SPECC1L: variants seen among roughly 807,000 people sequenced by gnomAD.
The protein encoded by SPECC1L is cytospin-A.
A neutral mutation model predicts 116.8 loss-of-function variants in SPECC1L; 40 were observed. The ratio of observed to expected loss-of-function variants is 0.34; its 90% confidence interval spans 0.27 to 0.45. The LOEUF (loss-of-function observed/expected upper bound fraction) is 0.45. Ranked by LOEUF, SPECC1L falls within the 20% of genes least tolerant of loss-of-function variation. The probability of loss-of-function intolerance (pLI) is 1.00; values close to 1 mark genes in which losing one functional copy is unlikely to be tolerated. For synonymous variants in SPECC1L, 504 were observed against 500.6 expected (o/e 1.01, Z -0.09); for missense variants, 1,110 against 1,373.6 (o/e 0.81, Z 3.03).
Position 24,321,378 on chromosome 22 carries a change from A to C in SPECC1L, c.398A>C (p.Asn133Thr). ...RERLRERTRL[N>T]QSKKLPSAGQ... ...AGATTACGTGAACGTACCCGATTAA[A>C]CCAGAGCAAAAAACTACCTTCTGCA... The change falls in exon 5 of 17, where the codon AAC becomes ACC. Residue 133 changes from asparagine to threonine, a missense_variant. This residue lies in a region of SPECC1L where 437 missense variants were observed against 482.6 expected (regional missense o/e 0.91). Coordinates refer to ENST00000314328, the MANE Select transcript of SPECC1L (RefSeq NM_015330.6). 6.2e-7 allele frequency: 1 copy of C among 1,614,294 alleles called. No homozygotes were observed. The highest frequency in any genetic ancestry group is 1.7e-5 in the Admixed American group (1 of 60,032).
intron 14 of SPECC1L, among the ~76,000 whole-genome samples, chr22:24,376,585 T>TA (rs1291094972): frequency 6.6e-6 from 1 of 152,158 alleles, no homozygotes; most frequent in African/African-American, 2.4e-5. Context: ...TGGAAAGACA[T>TA]ACCTTGTTCA....
chr22:24,383,439 A>G (rs2146701712), intron 14 of SPECC1L, among the ~76,000 whole-genome samples: 1 of 152,314 alleles, frequency 6.6e-6, no homozygotes, highest in African/African-American at 2.4e-5. Context: ...TAAAATAGGC[A>G]TGCCAATAAG....
chr22:24,403,443 C>G (rs1420407494), intron 14 of SPECC1L, among the ~76,000 whole-genome samples: 1 of 152,166 alleles, frequency 6.6e-6, no homozygotes, highest in Non-Finnish European at 1.5e-5. Context: ...CCACCATTGC[C>G]TGTGAATAGT....
chr22:24,405,905 G>A (rs1458835175), intron 14 of SPECC1L, among the ~76,000 whole-genome samples: 1 of 151,778 alleles, frequency 6.6e-6, no homozygotes, highest in East Asian at 1.9e-4. Flanking sequence ...TCGAAGACTC[G>A]TCATCTTGTG....
chr22:24,412,719 T>TC lies in SPECC1L; in HGVS notation c.3264+17dup. 2 of 1,613,804 alleles carry TC rather than the reference T, an allele frequency of 1.2e-6. No homozygotes were observed. The highest frequency in any genetic ancestry group is 1.7e-6 in the Non-Finnish European group (2 of 1,179,882). On this transcript the variant is annotated intron_variant, in intron 16 of 16. Transcript: ENST00000314328. ...TCAAATCCACACTGGTGAGCCCTTGTCCCCCTGAGTCACTGGCAGGGCCCT... is the reference window on the plus strand; with the variant it reads ...TCAAATCCACACTGGTGAGCCCTTGTCCCCCCTGAGTCACTGGCAGGGCCCT...
intron 11 of SPECC1L, among the ~76,000 whole-genome samples, chr22:24,360,909 A>G (rs557102230): frequency 6.3e-4 from 96 of 152,302 alleles, no homozygotes; most frequent in Middle Eastern, 3.4e-3. Context: ...GGTAAATGCC[A>G]ACTGCCAACA....
At chr22:24,369,522 C>T (rs1018166475) in intron 14 of SPECC1L, among the ~76,000 whole-genome samples, 5 of 152,010 alleles carry the variant, frequency 3.3e-5, no homozygotes, top group Non-Finnish European at 7.4e-5. Context: ...CATGGCAAAA[C>T]CCTGTCTCTA....
chr22:24,316,948 G>A (rs1158901292), intron 4 of SPECC1L, among the ~76,000 whole-genome samples: 2 of 119,394 alleles, frequency 1.7e-5, no homozygotes, highest in East Asian at 2.7e-4. Flanking sequence ...GCGGCTGGCC[G>A]GGCCGAGGAG....
chr22:24,292,580 CT>C (rs2049174900), intron 2 of SPECC1L, among the ~76,000 whole-genome samples: 2 of 152,268 alleles, frequency 1.3e-5, no homozygotes, highest in South Asian at 4.1e-4. Flanking sequence ...GATGGCAGAA[CT>C]GGAGCTTGAA....
intron 11 of SPECC1L, among the ~76,000 whole-genome samples, chr22:24,358,602 T>G (rs1029745769): frequency 1.3e-5 from 2 of 152,078 alleles, no homozygotes; most frequent in African/African-American, 4.8e-5. Context: ...TGGACAGAGT[T>G]TGTATACAAA....
At chr22:24,368,448 A>G (rs1042047489) in intron 13 of SPECC1L, among the ~76,000 whole-genome samples, 1 of 152,194 alleles carries the variant, frequency 6.6e-6, no homozygotes, top group African/African-American at 2.4e-5. Context: ...AACTAAATAC[A>G]TCTGAGACAT....
intron 11 of SPECC1L, among the ~76,000 whole-genome samples, chr22:24,361,218 T>A (rs1250058412): frequency 1.3e-5 from 2 of 152,000 alleles, no homozygotes; most frequent in Non-Finnish European, 2.9e-5. Context: ...GGCAAGATAG[T>A]GAGACCTCAT....
chr22:24,277,439 T>C (rs2048858226), intron 2 of SPECC1L, among the ~76,000 whole-genome samples: 1 of 152,248 alleles, frequency 6.6e-6, no homozygotes, highest in Non-Finnish European at 1.5e-5. Flanking sequence ...TGGTTTTTGG[T>C]ATATTCACAA....
At chr22:24,394,588 G>T (rs112483424) in intron 14 of SPECC1L, among the ~76,000 whole-genome samples, 3 of 152,198 alleles carry the variant, frequency 2.0e-5, no homozygotes, top group Non-Finnish European at 2.9e-5. Flanking sequence ...GTAGGTATAG[G>T]TTGAACATTT....
intron 14 of SPECC1L, among the ~76,000 whole-genome samples, chr22:24,390,852 CTTTTTTTTTTTTTTCTTTTCTTTT>C (rs2042249495): frequency 4.1e-5 from 2 of 48,554 alleles, no homozygotes; most frequent in Admixed American, 5.0e-4. Flanking sequence ...GCCTGTGTTC[CTTTTTTTTTTTTTTCTTTTCTTTT>C]TTTTTTTTTT....
At chr22:24,290,842 G>A (rs989292123) in intron 2 of SPECC1L, among the ~76,000 whole-genome samples, 4 of 152,168 alleles carry the variant, frequency 2.6e-5, no homozygotes, top group African/African-American at 9.7e-5. Flanking sequence ...AAGAATATAG[G>A]ATCAATCCAT....
chr22:24,359,732 T>C lies in SPECC1L; in HGVS notation c.2744-3529T>C, dbSNP rs142941266. Among the ~76,000 whole-genome samples the C allele has an allele frequency of 2.5e-3, 377 of 152,292 alleles. 4 individuals carry two copies. Among genetic ancestry groups the C allele is most frequent in the African/African-American group, 8.7e-3 (361 of 41,572 alleles). On this transcript the variant is annotated intron_variant, in intron 11 of 16. Transcript: ENST00000314328. ...ATCACCACAGTGTCCTAGATTTCTT[T>C]GGGGGTATACTAAGCACTCAGTTGG...
chr22:24,322,435 T>C lies in SPECC1L; in HGVS notation c.1455T>C (p.Ser485=). The C allele has an allele frequency of 5.0e-6, 8 of 1,614,146 alleles. No homozygotes were observed. The highest frequency in any genetic ancestry group is 5.9e-6 in the Non-Finnish European group (7 of 1,180,020). ...ISYVIDEDVK[S]GRYMELEQRY... The stretch of plus-strand genomic sequence containing the variant: ...ATGTCATAGATGAAGATGTAAAAAG[T>C]GGGCGCTATATGGAATTAGAGCAAC... The change falls in exon 5 of 17, where the codon AGT becomes AGC. Residue 485 remains serine, a synonymous_variant. Transcript: ENST00000314328.
intron 14 of SPECC1L, among the ~76,000 whole-genome samples, chr22:24,405,013 G>C (rs1179314876): frequency 6.6e-6 from 1 of 152,154 alleles, no homozygotes; most frequent in African/African-American, 2.4e-5. Context: ...CACAACTCCA[G>C]GCCCTTCATT....
Sources: allele counts gnomAD v4.1 joint callset (sites outside exome capture counted in the v4.1 genomes callset), GRCh38; gene constraint gnomAD v4.1.1; regional missense constraint gnomAD v4.1.1; transcripts MANE v1.5; gene names NCBI Gene and HGNC (gene_info 2026-07-23, HGNC 2026-07-21).